SEL1L2: variants seen among roughly 807,000 people sequenced by gnomAD.
SEL1L2 encodes the protein SEL1L2 adaptor subunit of SYVN1 ubiquitin ligase, also known as protein sel-1 homolog 2.
A neutral mutation model predicts 98.8 loss-of-function variants in SEL1L2; 89 were observed. The ratio of observed to expected loss-of-function variants is 0.90; its 90% CI spans 0.76 to 1.07. The LOEUF is 1.07. Ranked by LOEUF, SEL1L2 falls within the 50% of genes least tolerant of loss-of-function variation. SEL1L2 has a pLI of 0.00. For synonymous variants in SEL1L2, 262 were observed against 278.5 expected, an observed-to-expected ratio of 0.94 and a Z score of 0.59; for missense variants, 788 against 812.0, an observed-to-expected ratio of 0.97 and a Z score of 0.36.
At chr20:13,862,684 A>G (rs563516623) in intron 17 of SEL1L2, among the ~76,000 whole-genome samples, 297 of 151,352 alleles carry the variant, frequency 2.0e-3, no homozygotes, top group Non-Finnish European at 3.3e-3. Context: ...TATTATTATT[A>G]TTTATTATTA....
In SEL1L2 at chr20:13,931,681, C is replaced by G. The variant is rs1367163976; in HGVS notation, c.205G>C (p.Glu69Gln). 1 of 1,549,404 alleles carries G rather than the reference C, an allele frequency of 6.5e-7. No homozygotes were observed. The highest frequency in any genetic ancestry group is 2.3e-5 in the East Asian group (1 of 43,438). The stretch of plus-strand genomic sequence containing the variant: ...ATTTTACGTTGATTCTTCTTTTTCT[C>G]CAGGAGATTTTCTCTTTTATTGATT... The part of the protein sequence containing the change: ...NVINKRENLL[E>Q]KKKNQRKIRI... The change falls in exon 3 of 20, where the codon GAG (glutamate) becomes CAG (glutamine). Residue 69 changes from glutamate (E) to glutamine (Q), a missense_variant. Glu to Gln is a conservative substitution (Grantham distance 29). Transcript: ENST00000284951.
chr20:13,872,729 G>A (rs1006418479), intron 12 of SEL1L2, among the ~76,000 whole-genome samples: 2 of 152,056 alleles, frequency 1.3e-5, no homozygotes, highest in East Asian at 3.9e-4. Context: ...GGGACTCAGT[G>A]AATTACCCAT....
chr20:13,930,570 C>T (rs1214882162), intron 3 of SEL1L2, among the ~76,000 whole-genome samples: 1 of 152,184 alleles, frequency 6.6e-6, no homozygotes, highest in African/African-American at 2.4e-5. Flanking sequence ...CTAAGCATGT[C>T]AACATTTCGA....
Position 13,915,534 on chromosome 20 carries a change from G to GAGGAGCACCAGC in SEL1L2, c.387-1591_387-1590insGCTGGTGCTCCT, listed in dbSNP as rs2048367831. 2.0e-5 allele frequency among the ~76,000 whole-genome samples: 3 copies of GAGGAGCACCAGC among 152,280 alleles called. No homozygotes were observed. In the South Asian group the frequency reaches 6.2e-4, roughly 32 times the overall value. ...CTGGGACAGGAGGAGCACCAGCATG[G>GAGGAGCACCAGC]ACCAAGGCACAGAAACCTGAGATAG... On this transcript the variant is annotated intron_variant, in intron 4 of 19. Transcript: ENST00000284951.
intron 5 of SEL1L2, among the ~76,000 whole-genome samples, chr20:13,907,700 CTCTTTCTTTCTTTCTTTCTT>C (rs10665105): frequency 0.031 from 3,863 of 125,618 alleles, 77 homozygotes; most frequent in Non-Finnish European, 0.043. Context: ...TTCTTTCTTT[CTCTTTCTTTCTTTCTTTCTT>C]TCTTTCTTTC....
chr20:13,907,987 A>G (rs1387464175), intron 5 of SEL1L2, among the ~76,000 whole-genome samples: 5 of 146,118 alleles, frequency 3.4e-5, no homozygotes, highest in Middle Eastern at 4.0e-3. Context: ...GGGTCTTACT[A>G]TGTTGCCCAG....
chr20:13,956,442 C>G (rs568049257), intron 1 of SEL1L2, among the ~76,000 whole-genome samples: 16 of 152,034 alleles, frequency 1.1e-4, no homozygotes, highest in African/African-American at 3.9e-4. Flanking sequence ...ACTTTCTGAG[C>G]TAGAAATGTA....
intron 15 of SEL1L2, among the ~76,000 whole-genome samples, chr20:13,866,172 T>A (rs1029290135): frequency 1.3e-5 from 2 of 152,212 alleles, no homozygotes; most frequent in South Asian, 4.1e-4. Context: ...TTTATGCTGG[T>A]GTAGCAGACG....
chr20:13,941,124 C>T (rs1048254045), intron 2 of SEL1L2, among the ~76,000 whole-genome samples: 1 of 152,160 alleles, frequency 6.6e-6, no homozygotes, highest in Admixed American at 6.5e-5. Context: ...AGATTATTCA[C>T]TAAAACAGCC....
intron 5 of SEL1L2, among the ~76,000 whole-genome samples, chr20:13,908,181 G>A (rs1299547402): frequency 2.0e-4 from 24 of 121,404 alleles, no homozygotes; most frequent in East Asian, 5.4e-4. Flanking sequence ...GTGGTGGTGC[G>A]AACACAGCTC....
chr20:13,849,900 T>G (rs1443785188), intron 19 of SEL1L2: 2 of 543,602 alleles, frequency 3.7e-6, no homozygotes, highest in Non-Finnish European at 6.5e-6. Flanking sequence ...TGGTAAGAAC[T>G]GTTTTGAAGA....
At chr20:13,975,464 T>C (rs1309990525) in intron 1 of SEL1L2, among the ~76,000 whole-genome samples, 4 of 152,240 alleles carry the variant, frequency 2.6e-5, no homozygotes, top group Admixed American at 6.5e-5. Flanking sequence ...ATAACAGAGG[T>C]AATACAGAGT....
intron 5 of SEL1L2, among the ~76,000 whole-genome samples, chr20:13,909,911 C>A (rs1194778458): frequency 1.3e-5 from 2 of 152,088 alleles, no homozygotes; most frequent in Non-Finnish European, 2.9e-5. Context: ...GTGGAGGTTG[C>A]AGCGAGCCAA....
intron 12 of SEL1L2, among the ~76,000 whole-genome samples, chr20:13,874,415 C>T (rs575529866): frequency 2.0e-5 from 3 of 152,270 alleles, no homozygotes; most frequent in African/African-American, 7.2e-5. Context: ...GTTCAGATTT[C>T]CTTTGTAAAG....
At chr20:13,888,022 C>T in intron 6 of SEL1L2, 21 bp from the exon 7 acceptor site, 3 of 1,604,952 alleles carry the variant, frequency 1.9e-6, no homozygotes, top group Middle Eastern at 3.3e-4. Context: ...AACAAACAAA[C>T]AAAAAACCCC....
intron 5 of SEL1L2, among the ~76,000 whole-genome samples, chr20:13,904,160 C>T (rs2148116831): frequency 6.6e-6 from 1 of 152,326 alleles, no homozygotes; most frequent in African/African-American, 2.4e-5. Context: ...TTCCTAAAAA[C>T]ATTATAGCTC....
intron 5 of SEL1L2, among the ~76,000 whole-genome samples, chr20:13,894,443 C>T (rs1213020207): frequency 6.6e-6 from 1 of 152,088 alleles, no homozygotes; most frequent in African/African-American, 2.4e-5. Flanking sequence ...ACCTGTAATC[C>T]CAGCTATTGG....
chr20:13,850,434 T>C, intron 18 of SEL1L2, 115 bp from the exon 19 acceptor site: 1 of 1,126,808 alleles, frequency 8.9e-7, no homozygotes, highest in South Asian at 1.4e-5. Flanking sequence ...AGGGAGATTA[T>C]CATGGATTAT....
intron 5 of SEL1L2, among the ~76,000 whole-genome samples, chr20:13,890,076 A>C (rs1339490667): frequency 6.6e-6 from 1 of 152,172 alleles, no homozygotes; most frequent in East Asian, 1.9e-4. Context: ...ATAGTCCGTG[A>C]AACAGGTAAG....
Sources: allele counts gnomAD v4.1 joint callset (sites outside exome capture counted in the v4.1 genomes callset), GRCh38; gene constraint gnomAD v4.1.1; transcripts MANE v1.5; gene names NCBI Gene and HGNC (gene_info 2026-07-23, HGNC 2026-07-21).